RBFOX1: variants seen among roughly 807,000 people sequenced by gnomAD.
RBFOX1 encodes RNA binding protein fox-1 homolog 1.
Under a neutral mutation model 57.7 loss-of-function variants are expected in RBFOX1, and 8 were observed. That is an observed-to-expected ratio of 0.14 (90% confidence interval 0.08 to 0.25). The LOEUF is 0.25. Among genes scored for constraint, RBFOX1 ranks in the 10% least tolerant of loss-of-function variants. The pLI is 1.00. For missense variants in RBFOX1, 611 were observed against 548.5 expected, an observed-to-expected ratio of 1.11 and a Z score of -1.14; for synonymous variants, 326 against 222.4, an observed-to-expected ratio of 1.47 and a Z score of -4.15.
At chr16:5,664,538 T>A (rs1027751284) in intron 3 of RBFOX1, among the ~76,000 whole-genome samples, 3 of 151,640 alleles carry the variant, frequency 2.0e-5, no homozygotes, top group African/African-American at 7.3e-5. Context: ...AGAGCGAGAC[T>A]CCTTCTTAAA....
chr16:5,937,780 A>T (rs907010001), intron 4 of RBFOX1, among the ~76,000 whole-genome samples: 1 of 149,246 alleles, frequency 6.7e-6, no homozygotes, highest in African/African-American at 2.4e-5. Context: ...TATATAATGT[A>T]TATATAAAAT....
intron 5 of RBFOX1, chr16:7,519,896 G>A: frequency 3.9e-6 from 1 of 258,610 alleles, no homozygotes; most frequent in Non-Finnish European, 6.0e-6. Context: ...TTTTGTTTTT[G>A]TTTTTTTGAG....
At chr16:5,775,016 T>C (rs76622498) in intron 3 of RBFOX1, among the ~76,000 whole-genome samples, 5,201 of 152,134 alleles carry the variant, frequency 0.034, 294 homozygotes, top group African/African-American at 0.12. Flanking sequence ...AGAATGGCAA[T>C]CCCCTTCGCT....
upstream of RBFOX1, chr16:5,239,721 G>GC (rs1188646236): frequency 5.9e-6 from 1 of 170,250 alleles, no homozygotes; most frequent in Non-Finnish European, 1.2e-5. Flanking sequence ...GGCAGAGGGC[G>GC]CCAGAGAGCC....
chr16:7,683,627 G>C (rs2075406599), intron 14 of RBFOX1, among the ~76,000 whole-genome samples: 1 of 152,000 alleles, frequency 6.6e-6, no homozygotes. Context: ...AACTCCTTTG[G>C]TCATGTCATG....
At chr16:7,084,051 C>G (rs1193918539) in intron 4 of RBFOX1, among the ~76,000 whole-genome samples, 1 of 152,110 alleles carries the variant, frequency 6.6e-6, no homozygotes, top group East Asian at 1.9e-4. Flanking sequence ...GTCATTTACC[C>G]TAATCCCACC....
At chr16:7,556,554 A>G (rs1166104358) in intron 5 of RBFOX1, among the ~76,000 whole-genome samples, 1 of 152,160 alleles carries the variant, frequency 6.6e-6, no homozygotes, top group Non-Finnish European at 1.5e-5. Context: ...TCATGGGCCT[A>G]TCTTTGTTTT....
chr16:7,335,997 A>T (rs566048015), intron 4 of RBFOX1, among the ~76,000 whole-genome samples: 2 of 152,244 alleles, frequency 1.3e-5, no homozygotes, highest in East Asian at 1.9e-4. Context: ...GCATTGTACA[A>T]ATATTGGCTG....
chr16:6,946,561 G>T lies in RBFOX1; in HGVS notation c.-15-105496G>T, dbSNP rs13330193. Reference sequence around the variant, plus strand: ...GAACCTTCTTTCATAAAAGCTTCTTGCATTTAAAACCTGTTCTCCAAGAAC... The same window carrying T: ...GAACCTTCTTTCATAAAAGCTTCTTTCATTTAAAACCTGTTCTCCAAGAAC... On this transcript the variant is annotated intron_variant, in intron 3 of 15. Transcript: ENST00000550418. Among the ~76,000 whole-genome samples, 677 of 152,198 alleles carry T rather than the reference G, an allele frequency of 4.4e-3. 10 individuals carry two copies. Among genetic ancestry groups the T allele is most frequent in the African/African-American group, 0.016 (646 of 41,526 alleles).
chr16:6,648,345 T>C (rs1222951536), intron 2 of RBFOX1, among the ~76,000 whole-genome samples: 2 of 151,928 alleles, frequency 1.3e-5, no homozygotes, highest in African/African-American at 2.4e-5. Context: ...ATAGGCATGA[T>C]GCATTTTAAC....
At chr16:7,097,117 G>A (rs2061835033) in intron 4 of RBFOX1, among the ~76,000 whole-genome samples, 2 of 151,998 alleles carry the variant, frequency 1.3e-5, no homozygotes, top group South Asian at 2.1e-4. Context: ...AATGTGCTTG[G>A]GAAATGCAAC....
intron 1 of RBFOX1, among the ~76,000 whole-genome samples, chr16:6,173,604 C>CCCT (rs774297329): frequency 1.4e-5 from 1 of 70,948 alleles, no homozygotes; most frequent in Admixed American, 2.2e-4. Context: ...TGACCACTCC[C>CCCT]TTTTTTTTTT....
intron 3 of RBFOX1, among the ~76,000 whole-genome samples, chr16:6,918,384 A>C (rs2073728731): frequency 6.6e-6 from 1 of 151,700 alleles, no homozygotes; most frequent in Non-Finnish European, 1.5e-5. Flanking sequence ...TTAACAAGCT[A>C]CCCGGGTGAT....
intron 1 of RBFOX1, among the ~76,000 whole-genome samples, chr16:5,302,349 C>A: frequency 6.6e-6 from 1 of 152,130 alleles, no homozygotes; most frequent in East Asian, 1.9e-4. Flanking sequence ...TATGGAGCAG[C>A]AGCAGCATAT....
chr16:5,315,756 T>C (rs2064219916), intron 1 of RBFOX1, among the ~76,000 whole-genome samples: 1 of 152,212 alleles, frequency 6.6e-6, no homozygotes, highest in African/African-American at 2.4e-5. Flanking sequence ...TGCTCCCTTC[T>C]GAAGGCTGGG....
chr16:7,063,337 G>A (rs1444527504), intron 4 of RBFOX1, among the ~76,000 whole-genome samples: 1 of 151,982 alleles, frequency 6.6e-6, no homozygotes, highest in Non-Finnish European at 1.5e-5. Flanking sequence ...ACAGATAAAG[G>A]ATCTGTATCA....
intron 4 of RBFOX1, among the ~76,000 whole-genome samples, chr16:7,322,208 C>G (rs1036313844): frequency 6.6e-6 from 1 of 152,168 alleles, no homozygotes; most frequent in Non-Finnish European, 1.5e-5. Context: ...TGCTAGTTAT[C>G]GGACAAGGGA....
At chr16:7,575,263 TA>T (rs1311564960) in intron 5 of RBFOX1, among the ~76,000 whole-genome samples, 1 of 151,936 alleles carries the variant, frequency 6.6e-6, no homozygotes, top group East Asian at 1.9e-4. Flanking sequence ...CCCTCCCAAG[TA>T]GCTGGGATTA....
chr16:6,250,726 G>C (rs566472337), intron 1 of RBFOX1, among the ~76,000 whole-genome samples: 25 of 152,308 alleles, frequency 1.6e-4, no homozygotes, highest in African/African-American at 5.8e-4. Context: ...AAACAGACCA[G>C]AGAACCAGGG....
Sources: gnomAD v4.1 joint callset for allele counts (sites outside exome capture counted in the v4.1 genomes callset) on GRCh38, gnomAD v4.1.1 for gene constraint, MANE v1.5 for transcripts, NCBI Gene and HGNC (gene_info 2026-07-23, HGNC 2026-07-21) for gene names.